FLNB: variants seen among roughly 807,000 people sequenced by gnomAD.
The protein encoded by FLNB is filamin B.
A neutral mutation model predicts 250.6 loss-of-function variants in FLNB; 111 were observed. The observed-to-expected ratio is 0.44, with a 90% CI of 0.38 to 0.52. FLNB has a LOEUF of 0.52. Among genes scored for constraint, FLNB ranks in the 20% least tolerant of loss-of-function variants. The pLI is 0.00. For missense variants in FLNB, 2,869 were observed against 3,447.8 expected (o/e 0.83, Z 4.20); for synonymous variants, 1,302 against 1,372.1 (o/e 0.95, Z 1.13).
intron 38 of FLNB, chr3:58,150,527 A>T (rs1452102994): frequency 1.2e-5 from 5 of 428,628 alleles, no homozygotes; most frequent in African/African-American, 8.0e-5. Flanking sequence ...TATCTGTCAA[A>T]TAGAATCATG....
At chr3:58,086,267 G>A (rs753976790) in intron 4 of FLNB, among the ~76,000 whole-genome samples, 11 of 151,494 alleles carry the variant, frequency 7.3e-5, no homozygotes, top group Non-Finnish European at 1.6e-4. Flanking sequence ...CCCTCAAAGT[G>A]CTGGGATTAC....
chr3:58,154,889 A>G lies in FLNB; in HGVS notation c.6733A>G (p.Asn2245Asp), dbSNP rs2107293499. Residue 2245 changes from asparagine (N) to aspartate (D), a missense_variant, in exon 40 of 46, where the codon AAT (asparagine) becomes GAT (aspartate). Physicochemically the swap from Asn to Asp is conservative, Grantham distance 23. Around this residue, in one of 5 missense-constraint regions of FLNB, gnomAD observed 1,084 missense variants for 1,315.5 expected, o/e 0.82. Transcript: ENST00000295956. ...KAEITFDDHKNGSCGVSYIAQ... is the reference protein window; with the variant it reads ...KAEITFDDHKDGSCGVSYIAQ... ...CGAGATTACATTCGATGACCATAAA[A>G]ATGGGTCGTGCGGTGTATCTTATAT... 4 of 1,614,070 alleles carry G rather than the reference A, an allele frequency of 2.5e-6. No individual in the cohort carries two copies. In the East Asian group the frequency reaches 8.9e-5, roughly 36 times the overall value.
intron 21 of FLNB, 31 bp downstream of exon 21, chr3:58,123,721 A>C (rs766102315): frequency 1.3e-6 from 2 of 1,557,658 alleles, no homozygotes; most frequent in Non-Finnish European, 1.8e-6. Context: ...AAAAAAAAAA[A>C]AAAAAGACAA....
chr3:58,057,239 A>T (rs1422010908), intron 1 of FLNB, among the ~76,000 whole-genome samples: 2 of 152,074 alleles, frequency 1.3e-5, no homozygotes, highest in African/African-American at 4.8e-5. Flanking sequence ...GCCTCCCAAC[A>T]TACCGGGATT....
chr3:58,160,345 G>T (rs542026218), intron 42 of FLNB, among the ~76,000 whole-genome samples: 36 of 152,296 alleles, frequency 2.4e-4, no homozygotes, highest in Non-Finnish European at 4.4e-4. Context: ...GGAATTCTCT[G>T]ATTTAATCAA....
intron 1 of FLNB, among the ~76,000 whole-genome samples, chr3:58,031,365 C>G (rs1264157737): frequency 1.3e-5 from 2 of 151,976 alleles, no homozygotes; most frequent in African/African-American, 4.8e-5. Context: ...GCCTCAGCCT[C>G]CCGAGTAGCT....
At chr3:58,157,725 A>G (rs2097355419) in intron 41 of FLNB, among the ~76,000 whole-genome samples, 2 of 152,212 alleles carry the variant, frequency 1.3e-5, no homozygotes, top group Non-Finnish European at 2.9e-5. Flanking sequence ...CGAGGCATTT[A>G]TCTCCCTCTT....
Position 58,123,201 on chromosome 3 carries a change from G to A in FLNB, c.3235G>A (p.Gly1079Ser). The A allele has an allele frequency of 6.2e-7, 1 of 1,613,902 alleles. No homozygotes were observed. Among genetic ancestry groups the A allele is most frequent in the Non-Finnish European group, 8.5e-7 (1 of 1,179,772 alleles). ...TGGAGGTCTGGGCTTAACGGTGGAA[G>A]GTCCGTGCGAGGCCAAAATCGAGTG... ...GTGGLGLTVE[G>S]PCEAKIECSD... Residue 1079 changes from glycine (G) to serine (S), a missense_variant, in exon 21 of 46, where the codon GGT becomes AGT. Gly to Ser is a moderately conservative substitution (Grantham distance 56, BLOSUM62 0). This residue lies in a region of FLNB where 1,348 missense variants were observed against 1,466.7 expected (regional missense o/e 0.92). Transcript: ENST00000295956.
Position 58,126,605 on chromosome 3 carries a change from C to T in FLNB, c.4065C>T (p.Gly1355=), listed in dbSNP as rs546064619. 8.4e-5 allele frequency: 135 copies of T among 1,613,806 alleles called. 1 individual carries two copies. The South Asian group carries it at 1.4e-3, about 16-fold the overall frequency. The stretch of plus-strand genomic sequence containing the variant: ...CTTTCTTTTCCACTCTTTCCAGAGG[C>T]GCAGGAATTGGTGGGCTTGGCATAA... ...KPNVFTVVTR[G]AGIGGLGITV... The change falls in exon 24 of 46, where the codon GGC becomes GGT. Residue 1355 remains glycine, a synonymous_variant. Coordinates refer to ENST00000295956, the MANE Select transcript of FLNB (RefSeq NM_001457.4).
intron 12 of FLNB, among the ~76,000 whole-genome samples, chr3:58,107,783 C>T (rs971318652): frequency 1.3e-5 from 2 of 152,218 alleles, no homozygotes; most frequent in African/African-American, 2.4e-5. Context: ...TTGGCCCACA[C>T]GGGCAGCTGT....
intron 33 of FLNB, among the ~76,000 whole-genome samples, chr3:58,146,514 C>T (rs1401514509): frequency 1.3e-5 from 2 of 152,154 alleles, no homozygotes; most frequent in East Asian, 1.9e-4. Flanking sequence ...CACCACCCAC[C>T]GTCTCCTATG....
At chr3:58,045,086 C>A (rs1036187778) in intron 1 of FLNB, among the ~76,000 whole-genome samples, 3 of 152,110 alleles carry the variant, frequency 2.0e-5, no homozygotes, top group South Asian at 4.1e-4. Flanking sequence ...AAGGGATGTG[C>A]CCCCTCACCA....
intron 4 of FLNB, among the ~76,000 whole-genome samples, chr3:58,089,763 A>G (rs2097223171): frequency 6.6e-6 from 1 of 152,184 alleles, no homozygotes; most frequent in African/African-American, 2.4e-5. Context: ...AGGACAGAGA[A>G]AAGAATCCTT....
At position 58,150,185 on chromosome 3, in the gene FLNB, G is replaced by A. The variant is rs770714919; in HGVS notation, c.6325G>A (p.Ala2109Thr). 5.6e-6 allele frequency: 9 copies of A among 1,614,232 alleles called. No individual in the cohort carries two copies. Among genetic ancestry groups the A allele is most frequent in the Non-Finnish European group, 7.6e-6 (9 of 1,180,034 alleles). The part of the protein sequence containing the change: ...ITRTSRAPSV[A>T]TVGSICDLNL... Reference sequence around the variant, plus strand: ...CCGCACCAGTCGGGCCCCGTCCGTGGCCACTGTCGGGAGCATTTGTGACCT... The same window carrying A: ...CCGCACCAGTCGGGCCCCGTCCGTGACCACTGTCGGGAGCATTTGTGACCT... The change falls in exon 38 of 46, where the codon GCC becomes ACC. Residue 2109 changes from alanine (A) to threonine (T), a missense_variant. Around this residue, in one of 5 missense-constraint regions of FLNB, gnomAD observed 1,084 missense variants for 1,315.5 expected, o/e 0.82. Coordinates refer to ENST00000295956, the MANE Select transcript of FLNB (RefSeq NM_001457.4).
At position 58,066,202 on chromosome 3, in the gene FLNB, CTTTTTTCT is replaced by C. The variant is rs528316278; in HGVS notation, c.293-10829_293-10822del. ...CTTTTTTTCTTCTTCTTTAAGTTTT[CTTTTTTCT>C]TTTTTTCTTTTTTTTTTTTTTGAGA... On this transcript the variant is annotated intron_variant, in intron 1 of 45. Transcript: ENST00000295956. Among the ~76,000 whole-genome samples the C allele has an allele frequency of 4.4e-4, 66 of 149,114 alleles. No individual in the cohort carries two copies. In the South Asian group the frequency reaches 5.1e-3, roughly 11 times the overall value.
chr3:58,026,515 C>T (rs2097123838), intron 1 of FLNB, among the ~76,000 whole-genome samples: 1 of 152,176 alleles, frequency 6.6e-6, no homozygotes, highest in African/African-American at 2.4e-5. Flanking sequence ...GGGTTATGCC[C>T]TGTACAAACA....
intron 38 of FLNB, 141 bp from the exon 39 acceptor site, chr3:58,153,234 C>A: frequency 3.0e-6 from 3 of 991,614 alleles, no homozygotes; most frequent in Non-Finnish European, 4.7e-6. Flanking sequence ...GGCACCCAGC[C>A]TGAAGGGAAG....
At chr3:58,012,608 T>TCAGG (rs1176312063) in intron 1 of FLNB, among the ~76,000 whole-genome samples, 2 of 152,120 alleles carry the variant, frequency 1.3e-5, no homozygotes, top group African/African-American at 2.4e-5. Flanking sequence ...AATAGGGATG[T>TCAGG]CAGGGCCTTC....
intron 9 of FLNB, 116 bp from the exon 10 acceptor site, chr3:58,103,843 G>T: frequency 7.6e-7 from 1 of 1,310,676 alleles, no homozygotes; most frequent in Non-Finnish European, 1.1e-6. Flanking sequence ...AGCCCACTTG[G>T]TTTTTATGTA....
Sources: gnomAD v4.1 joint callset for allele counts (sites outside exome capture counted in the v4.1 genomes callset) on GRCh38, gnomAD v4.1.1 for gene constraint, gnomAD v4.1.1 regional missense constraint, MANE v1.5 for transcripts, NCBI Gene and HGNC (gene_info 2026-07-23, HGNC 2026-07-21) for gene names.